Variants in GINS1 observed in about 807,000 individuals in gnomAD.
GINS1 encodes DNA replication complex GINS protein PSF1.
In GINS1, 26 loss-of-function variants were observed where a neutral mutation model predicts 34.9. The ratio of observed to expected loss-of-function variants is 0.74; its 90% confidence interval spans 0.55 to 1.03. GINS1 has a LOEUF of 1.03. Among genes scored for constraint, GINS1 ranks in the 50% least tolerant of loss-of-function variants. The pLI is 0.00. For synonymous variants in GINS1, 97 were observed against 84.4 expected, an observed-to-expected ratio of 1.15 and a Z score of -0.82; for missense variants, 235 against 237.9, an observed-to-expected ratio of 0.99 and a Z score of 0.08.
intron 5 of GINS1, among the ~76,000 whole-genome samples, chr20:25,427,438 TC>T (rs762507527): frequency 9.8e-5 from 15 of 152,292 alleles, no homozygotes; most frequent in Non-Finnish European, 1.6e-4. Flanking sequence ...CCTCAGGTGA[TC>T]CTCCCGCCTC....
intron 5 of GINS1, among the ~76,000 whole-genome samples, chr20:25,440,461 G>C (rs1391872935): frequency 6.6e-6 from 1 of 152,160 alleles, no homozygotes; most frequent in Non-Finnish European, 1.5e-5. Flanking sequence ...GGGACATGGA[G>C]TAGTCTTTTT....
At chr20:25,433,684 A>T (rs2090439204) in intron 5 of GINS1, among the ~76,000 whole-genome samples, 1 of 152,186 alleles carries the variant, frequency 6.6e-6, no homozygotes, top group African/African-American at 2.4e-5. Flanking sequence ...AGTGATAGCT[A>T]GTACATTTAA....
intron 5 of GINS1, among the ~76,000 whole-genome samples, chr20:25,426,603 G>A (rs143118470): frequency 0.028 from 4,129 of 150,026 alleles, 176 homozygotes; most frequent in African/African-American, 0.091. Context: ...TTGGCTCACC[G>A]CAACCTCCGC....
At chr20:25,438,316 C>T (rs2090464802) in intron 5 of GINS1, among the ~76,000 whole-genome samples, 1 of 151,852 alleles carries the variant, frequency 6.6e-6, no homozygotes. Context: ...CATGAAACAT[C>T]TTGTCTTCCC....
intron 6 of GINS1, among the ~76,000 whole-genome samples, chr20:25,445,307 G>A (rs6115185): frequency 0.46 from 69,584 of 151,446 alleles, 16,533 homozygotes; most frequent in East Asian, 0.92. Context: ...TCAGCCTCCT[G>A]TGTAGCTGGG....
chr20:25,411,636 CA>C (rs111972920), intron 1 of GINS1, among the ~76,000 whole-genome samples: 72 of 142,510 alleles, frequency 5.1e-4, no homozygotes, highest in Non-Finnish European at 4.8e-4. Flanking sequence ...CTGTCTCTAC[CA>C]AAAAAAAAAA....
intron 5 of GINS1, among the ~76,000 whole-genome samples, chr20:25,428,969 C>CTCT (rs2090410211): frequency 4.7e-5 from 6 of 127,442 alleles, no homozygotes; most frequent in Admixed American, 8.0e-5. Flanking sequence ...ATTCCTCTCT[C>CTCT]TTTTTTTTTT....
intron 1 of GINS1, among the ~76,000 whole-genome samples, chr20:25,412,672 A>G (rs1252715814): frequency 6.6e-6 from 1 of 152,240 alleles, no homozygotes; most frequent in Non-Finnish European, 1.5e-5. Flanking sequence ...TATAATTTAC[A>G]TACAACATGT....
rs569623946 is a variant in GINS1 at position 25,419,367 on chromosome 20, T to A, written c.330+1172T>A. On this transcript the variant is annotated intron_variant, in intron 4 of 6. Coordinates refer to ENST00000262460, the MANE Select transcript of GINS1 (RefSeq NM_021067.5). ...AGAAAAAAAAAAAACAAATATTCAA[T>A]GTGTTTGCCATTAGATTCTGCACAT... Among the ~76,000 whole-genome samples, 16 of 151,794 alleles carry A rather than the reference T, an allele frequency of 1.1e-4. No homozygotes were observed. In the South Asian group the frequency reaches 3.3e-3, roughly 32 times the overall value.
intron 5 of GINS1, among the ~76,000 whole-genome samples, chr20:25,439,126 C>T (rs1391134243): frequency 6.6e-6 from 1 of 152,132 alleles, no homozygotes; most frequent in Non-Finnish European, 1.5e-5. Flanking sequence ...TAAAACCTTT[C>T]AGTAGATAAT....
At position 25,417,084 on chromosome 20, in the gene GINS1, T is replaced by C; in HGVS notation, c.141-20T>C. ...TCCTGAAAAGTACATATTTTTTTTCTTTTTAAATGCTCCTATCAGGAATGA... is the reference window on the plus strand; with the variant it reads ...TCCTGAAAAGTACATATTTTTTTTCCTTTTAAATGCTCCTATCAGGAATGA... On this transcript the variant is annotated intron_variant, in intron 2 of 6. Coordinates refer to ENST00000262460, the MANE Select transcript of GINS1 (RefSeq NM_021067.5). The C allele has an allele frequency of 8.4e-7, 1 of 1,187,936 alleles. No homozygotes were observed. The highest frequency in any genetic ancestry group is 1.5e-5 in the African/African-American group (1 of 65,790). The allele number at this position is 1,187,936 out of a possible 1,614,324, so 73.6% of individuals were successfully genotyped here.
At chr20:25,437,088 A>G (rs985234608) in intron 5 of GINS1, among the ~76,000 whole-genome samples, 5 of 152,120 alleles carry the variant, frequency 3.3e-5, no homozygotes, top group African/African-American at 4.8e-5. Flanking sequence ...GTCACTTTCT[A>G]ATTTTTCCTG....
At chr20:25,431,567 T>C (rs182421856) in intron 5 of GINS1, among the ~76,000 whole-genome samples, 12 of 149,984 alleles carry the variant, frequency 8.0e-5, no homozygotes, top group Non-Finnish European at 1.8e-4. Context: ...TTTCCTTTTT[T>C]CTTTTTTCTT....
intron 1 of GINS1, among the ~76,000 whole-genome samples, chr20:25,412,679 A>G (rs1156882604): frequency 6.6e-6 from 1 of 152,172 alleles, no homozygotes; most frequent in African/African-American, 2.4e-5. Context: ...TACATACAAC[A>G]TGTGTATTTT....
chr20:25,436,052 G>T (rs1390174526), intron 5 of GINS1, among the ~76,000 whole-genome samples: 4 of 149,256 alleles, frequency 2.7e-5, no homozygotes, highest in Non-Finnish European at 5.9e-5. Context: ...TCGATCTCCT[G>T]ACCTTGTGAT....
Position 25,424,817 on chromosome 20 carries a change from C to T in GINS1, c.331-394C>T, listed in dbSNP as rs113005156. 3.3e-5 allele frequency among the ~76,000 whole-genome samples: 5 copies of T among 152,326 alleles called. 1 individual carries two copies. Among genetic ancestry groups the T allele is most frequent in the African/African-American group, 9.6e-5 (4 of 41,578 alleles). ...TAAATAATGTTCCATCATATGGGCA[C>T]ATATCCATTCATCAGCTGGTGGACA... On this transcript the variant is annotated intron_variant, in intron 4 of 6. Coordinates refer to ENST00000262460, the MANE Select transcript of GINS1 (RefSeq NM_021067.5).
At chr20:25,435,764 C>CAAAA (rs1220652491) in intron 5 of GINS1, among the ~76,000 whole-genome samples, 2 of 60,586 alleles carry the variant, frequency 3.3e-5, no homozygotes, top group Non-Finnish European at 2.8e-5. Context: ...GATTCCGTCT[C>CAAAA]AAAAAAAAAA....
intron 5 of GINS1, among the ~76,000 whole-genome samples, chr20:25,428,989 T>C (rs2090410996): frequency 7.6e-5 from 2 of 26,432 alleles, no homozygotes; most frequent in Non-Finnish European, 1.7e-4. Context: ...TTTTTTTTTT[T>C]TTTTTTTTTT....
chr20:25,434,332 TG>T (rs1335780649), intron 5 of GINS1, among the ~76,000 whole-genome samples: 1 of 151,980 alleles, frequency 6.6e-6, no homozygotes, highest in Non-Finnish European at 1.5e-5. Flanking sequence ...AGTTATAAAA[TG>T]TTACAATATT....
Sources: gnomAD v4.1 joint callset for allele counts (sites outside exome capture counted in the v4.1 genomes callset) on GRCh38, gnomAD v4.1.1 for gene constraint, MANE v1.5 for transcripts, NCBI Gene and HGNC (gene_info 2026-07-23, HGNC 2026-07-21) for gene names.